TOM1L2: variants seen among roughly 807,000 people sequenced by gnomAD.
TOM1L2 encodes TOM1-like protein 2.
A neutral mutation model predicts 67.9 loss-of-function variants in TOM1L2; 31 were observed. That is an observed-to-expected ratio of 0.46 (90% CI 0.34 to 0.62). The LOEUF is 0.62. TOM1L2 is among the 20% of genes least tolerant of loss of function. TOM1L2 has a pLI of 0.01. For synonymous variants in TOM1L2, 256 were observed against 254.0 expected (o/e 1.01, Z -0.07); for missense variants, 606 against 663.5 (o/e 0.91, Z 0.95).
chr17:17,949,688 G>C (rs1333745072), intron 1 of TOM1L2, among the ~76,000 whole-genome samples: 1 of 152,148 alleles, frequency 6.6e-6, no homozygotes, highest in Non-Finnish European at 1.5e-5. Flanking sequence ...AAGGACAGAA[G>C]CAACGGCCAG....
chr17:17,940,480 T>C (rs1174682304), intron 1 of TOM1L2, among the ~76,000 whole-genome samples: 1 of 152,108 alleles, frequency 6.6e-6, no homozygotes. Context: ...CCCACCCAGC[T>C]CAGGGATGGA....
At chr17:17,878,469 G>T (rs989539285) in intron 7 of TOM1L2, among the ~76,000 whole-genome samples, 1 of 152,198 alleles carries the variant, frequency 6.6e-6, no homozygotes, top group African/African-American at 2.4e-5. Context: ...TTTTGTGTCA[G>T]GCCTGGAACA....
chr17:17,901,815 C>T lies in TOM1L2; in HGVS notation c.138-3141G>A, dbSNP rs76926781. Among the ~76,000 whole-genome samples, 999 of 152,316 alleles carry T rather than the reference C, an allele frequency of 6.6e-3. 11 individuals are homozygous for T. Among genetic ancestry groups the T allele is most frequent in the African/African-American group, 0.021 (886 of 41,556 alleles). On this transcript the variant is annotated intron_variant, in intron 2 of 14. Transcript: ENST00000379504. ...CATGAGAGCTGCACATCAGAGTCAC[C>T]TGTAGTGCCATTCCCAAATCCACAA... is the stretch of plus-strand genomic sequence containing the variant.
chr17:17,926,176 GAA>G (rs57599370), intron 1 of TOM1L2, among the ~76,000 whole-genome samples: 4 of 103,126 alleles, frequency 3.9e-5, no homozygotes, highest in Admixed American at 2.0e-4. Context: ...GTCTCTTGGA[GAA>G]AAAAAAAAAA....
At chr17:17,869,065 G>T in intron 8 of TOM1L2, 1 of 440,008 alleles carries the variant, frequency 2.3e-6, no homozygotes, top group South Asian at 2.5e-5. Context: ...GCTGGGGGTG[G>T]CGGGGCAGTG....
chr17:17,851,166 G>A, intron 12 of TOM1L2: 1 of 573,490 alleles, frequency 1.7e-6, no homozygotes, highest in South Asian at 2.0e-5. Context: ...CAAATGATAA[G>A]AAGCAGGCTC....
intron 4 of TOM1L2, among the ~76,000 whole-genome samples, chr17:17,892,364 G>A (rs149158661): frequency 2.6e-5 from 4 of 152,302 alleles, no homozygotes; most frequent in African/African-American, 9.6e-5. Flanking sequence ...CCCTAGGTTT[G>A]TCTCTCCTCT....
chr17:17,935,076 C>G (rs1295414858), intron 1 of TOM1L2, among the ~76,000 whole-genome samples: 1 of 152,236 alleles, frequency 6.6e-6, no homozygotes, highest in Non-Finnish European at 1.5e-5. Context: ...GCATAGAAAG[C>G]AGCCAGCTAT....
chr17:17,955,221 T>G (rs2144946789), intron 1 of TOM1L2, among the ~76,000 whole-genome samples: 1 of 152,126 alleles, frequency 6.6e-6, no homozygotes, highest in South Asian at 2.1e-4. Context: ...TCTCCACCTC[T>G]TCTATCATAC....
intron 13 of TOM1L2, among the ~76,000 whole-genome samples, 156 bp downstream of exon 13, chr17:17,850,737 C>T (rs893222332): frequency 6.6e-6 from 1 of 152,122 alleles, no homozygotes; most frequent in Non-Finnish European, 1.5e-5. Context: ...GGGCTGATGT[C>T]GGGGAGGAGG....
intron 12 of TOM1L2, 120 bp downstream of exon 12, chr17:17,861,356 C>T (rs2036548345): frequency 2.2e-6 from 2 of 917,172 alleles, no homozygotes; most frequent in South Asian, 3.1e-5. Flanking sequence ...GGTCTCTCCC[C>T]CAGGGTGTCC....
chr17:17,847,421 A>T lies in TOM1L2; in HGVS notation c.*214T>A, dbSNP rs886791963. 9.8e-6 allele frequency: 6 copies of T among 614,758 alleles called. No individual in the cohort carries two copies. Among genetic ancestry groups the T allele is most frequent in the East Asian group, 3.0e-5 (1 of 33,374 alleles). The allele number at this position is 614,758 out of a possible 1,614,324, so 38.1% of individuals were successfully genotyped here. On this transcript the variant is annotated 3_prime_UTR_variant, in exon 15 of 15. Coordinates refer to ENST00000379504, the MANE Select transcript of TOM1L2 (RefSeq NM_001082968.2). ...AGGGGCCCATGGTGGGAGGGGAGAGAGTCTCTGGCTGCAGTTGTCCCACCA... is the reference window on the plus strand; with the variant it reads ...AGGGGCCCATGGTGGGAGGGGAGAGTGTCTCTGGCTGCAGTTGTCCCACCA...
intron 1 of TOM1L2, among the ~76,000 whole-genome samples, chr17:17,909,429 A>T (rs1010649866): frequency 1.3e-5 from 2 of 152,168 alleles, no homozygotes; most frequent in African/African-American, 4.8e-5. Flanking sequence ...AAGGAAGGAA[A>T]TCCTATTGCA....
At chr17:17,940,655 C>T (rs373605111) in intron 1 of TOM1L2, among the ~76,000 whole-genome samples, 4 of 152,154 alleles carry the variant, frequency 2.6e-5, no homozygotes, top group African/African-American at 7.2e-5. Context: ...AATGCCATTC[C>T]GATGAAGTTC....
intron 13 of TOM1L2, among the ~76,000 whole-genome samples, chr17:17,850,521 C>A (rs930366734): frequency 8.0e-5 from 12 of 150,824 alleles, no homozygotes; most frequent in African/African-American, 2.2e-4. Context: ...AAACAAAAAA[C>A]ATGCTCCCCC....
intron 1 of TOM1L2, among the ~76,000 whole-genome samples, chr17:17,932,644 C>T (rs1189045738): frequency 6.6e-6 from 1 of 152,104 alleles, no homozygotes; most frequent in Non-Finnish European, 1.5e-5. Context: ...GGGGAATGTA[C>T]TTTGGAACCA....
intron 7 of TOM1L2, among the ~76,000 whole-genome samples, chr17:17,876,144 C>T (rs7503334): frequency 0.44 from 66,349 of 152,120 alleles, 17,283 homozygotes; most frequent in Non-Finnish European, 0.61. Context: ...ATGACATAAT[C>T]GCAATCTTTA....
chr17:17,898,254 A>G (rs537586026), intron 3 of TOM1L2, among the ~76,000 whole-genome samples: 1 of 152,290 alleles, frequency 6.6e-6, no homozygotes, highest in East Asian at 1.9e-4. Context: ...ACTGATATCT[A>G]GAGAAGGAGT....
intron 1 of TOM1L2, among the ~76,000 whole-genome samples, chr17:17,950,962 T>C (rs1001127041): frequency 2.6e-5 from 4 of 152,096 alleles, no homozygotes; most frequent in African/African-American, 9.7e-5. Flanking sequence ...AGGGAGGACC[T>C]ACCAGGAAGG....
Sources: gnomAD v4.1 joint callset for allele counts (sites outside exome capture counted in the v4.1 genomes callset) on GRCh38, gnomAD v4.1.1 for gene constraint, MANE v1.5 for transcripts, NCBI Gene and HGNC (gene_info 2026-07-23, HGNC 2026-07-21) for gene names.